SEMA6D: variants seen among roughly 807,000 people sequenced by gnomAD.
SEMA6D encodes semaphorin-6D.
A neutral mutation model predicts 106.6 loss-of-function variants in SEMA6D; 35 were observed. The ratio of observed to expected loss-of-function variants is 0.33; its 90% confidence interval spans 0.25 to 0.44. SEMA6D has a LOEUF of 0.44. Ranked by LOEUF, SEMA6D falls within the 20% of genes least tolerant of loss-of-function variation. SEMA6D has a pLI of 1.00. For missense variants in SEMA6D, 1,185 were observed against 1,345.9 expected (o/e 0.88, Z 1.87); for synonymous variants, 499 against 487.7 (o/e 1.02, Z -0.31).
intron 1 of SEMA6D, among the ~76,000 whole-genome samples, chr15:47,389,279 A>T (rs947377194): frequency 6.6e-6 from 1 of 152,216 alleles, no homozygotes; most frequent in Non-Finnish European, 1.5e-5. Flanking sequence ...CATATTAAGC[A>T]TCATATAAAG....
At chr15:47,720,261 C>CTTTTTTTTTTTTTTTTTT (rs869122623) in intron 1 of SEMA6D, among the ~76,000 whole-genome samples, 3 of 97,166 alleles carry the variant, frequency 3.1e-5, no homozygotes, top group Non-Finnish European at 6.1e-5. Context: ...AATAACCTTT[C>CTTTTTTTTTTTTTTTTTT]TTTTTTTTTT....
intron 1 of SEMA6D, among the ~76,000 whole-genome samples, chr15:47,353,618 CA>C (rs1186053520): frequency 1.3e-5 from 2 of 152,012 alleles, no homozygotes; most frequent in Non-Finnish European, 2.9e-5. Flanking sequence ...TAACCCTTAT[CA>C]TAATATTTTA....
intron 1 of SEMA6D, among the ~76,000 whole-genome samples, chr15:47,190,170 G>T (rs903208815): frequency 3.3e-5 from 5 of 152,166 alleles, no homozygotes; most frequent in Admixed American, 2.0e-4. Context: ...TTTGGGCAGA[G>T]AATTTGTCTT....
At chr15:47,348,718 C>CACCA (rs1379277513) in intron 1 of SEMA6D, among the ~76,000 whole-genome samples, 15 of 48,072 alleles carry the variant, frequency 3.1e-4, no homozygotes, top group African/African-American at 6.0e-4. Flanking sequence ...CACACACACA[C>CACCA]CACACACACA....
chr15:47,328,905 A>T (rs1211480947), intron 1 of SEMA6D, among the ~76,000 whole-genome samples: 1 of 152,234 alleles, frequency 6.6e-6, no homozygotes, highest in East Asian at 1.9e-4. Context: ...CCATTGAGTC[A>T]TATCATTGGA....
Position 47,674,159 on chromosome 15 carries a change from A to G in SEMA6D, c.-55+73263A>G, listed in dbSNP as rs140975879. ...CCCAGACCCCCTTGGGTCTGAGCCC[A>G]ATTAAAATGAAATAGGGAGAATATG... On this transcript the variant is annotated intron_variant, in intron 4 of 19. Coordinates refer to the SEMA6D transcript ENST00000558014. Among the ~76,000 whole-genome samples, 105 of 152,284 alleles carry G rather than the reference A, an allele frequency of 6.9e-4. 2 individuals are homozygous for G. The highest frequency in any genetic ancestry group is 2.3e-3 in the African/African-American group (97 of 41,548).
At chr15:47,461,599 A>G (rs1397588733) in intron 2 of SEMA6D, among the ~76,000 whole-genome samples, 1 of 152,096 alleles carries the variant, frequency 6.6e-6, no homozygotes, top group Non-Finnish European at 1.5e-5. Context: ...TAATGCCCAT[A>G]GCAATTTTTT....
intron 1 of SEMA6D, among the ~76,000 whole-genome samples, chr15:47,194,987 A>G (rs970373794): frequency 3.3e-5 from 5 of 152,206 alleles, no homozygotes; most frequent in African/African-American, 1.2e-4. Flanking sequence ...CCAGAATAGC[A>G]TTACCTGCCT....
intron 3 of SEMA6D, among the ~76,000 whole-genome samples, chr15:47,569,078 G>A: frequency 6.6e-6 from 1 of 152,058 alleles, no homozygotes; most frequent in East Asian, 1.9e-4. Context: ...ATTTCAGTTT[G>A]AAAAGCTTTA....
At chr15:47,708,080 A>G (rs1231307575) in intron 4 of SEMA6D, among the ~76,000 whole-genome samples, 5 of 152,090 alleles carry the variant, frequency 3.3e-5, no homozygotes, top group Non-Finnish European at 7.4e-5. Context: ...TAGCATTCTT[A>G]CGTCTGAAAC....
chr15:47,712,069 T>C lies in SEMA6D; in HGVS notation c.-54-47676T>C, dbSNP rs187568051. On this transcript the variant is annotated intron_variant, in intron 4 of 19. Transcript: ENST00000558014. ...GTGTGAAATAGGTCTTATTATTCTT[T>C]ACAAGTGATTCAGAGCAGTTATATG... Among the ~76,000 whole-genome samples, 17 of 152,360 alleles carry C rather than the reference T, an allele frequency of 1.1e-4. No individual in the cohort carries two copies. In the East Asian group the frequency reaches 1.9e-3, roughly 17 times the overall value.
chr15:47,661,840 A>C (rs2077926341), intron 4 of SEMA6D, among the ~76,000 whole-genome samples: 1 of 152,228 alleles, frequency 6.6e-6, no homozygotes, highest in African/African-American at 2.4e-5. Flanking sequence ...ATGCTAACAC[A>C]GGTATTTCAG....
chr15:47,538,364 T>C (rs1327315104), intron 3 of SEMA6D, among the ~76,000 whole-genome samples: 1 of 152,212 alleles, frequency 6.6e-6, no homozygotes, highest in Non-Finnish European at 1.5e-5. Flanking sequence ...TAAAGGCTTT[T>C]GCAGTATGTC....
chr15:47,425,884 GT>G (rs2041320998), intron 2 of SEMA6D, among the ~76,000 whole-genome samples: 1 of 151,840 alleles, frequency 6.6e-6, no homozygotes, highest in Non-Finnish European at 1.5e-5. Flanking sequence ...ATGATCTAAA[GT>G]CTCCCTTCTA....
intron 3 of SEMA6D, among the ~76,000 whole-genome samples, chr15:47,515,806 A>G (rs2044369936): frequency 6.6e-6 from 1 of 152,202 alleles, no homozygotes; most frequent in Non-Finnish European, 1.5e-5. Flanking sequence ...TCAACTTTTC[A>G]ATGAGGCTGC....
chr15:47,438,343 A>AT (rs964836721), intron 2 of SEMA6D, among the ~76,000 whole-genome samples: 9 of 152,006 alleles, frequency 5.9e-5, no homozygotes, highest in Non-Finnish European at 1.3e-4. Context: ...CCTAGAACCC[A>AT]TCTCAACACA....
chr15:47,466,600 A>AT (rs1224004722), intron 2 of SEMA6D, among the ~76,000 whole-genome samples: 5 of 152,148 alleles, frequency 3.3e-5, no homozygotes, highest in African/African-American at 7.2e-5. Context: ...GCTATTGTGA[A>AT]TAATGCTACA....
chr15:47,340,424 TGAG>T (rs1325399452), intron 1 of SEMA6D, among the ~76,000 whole-genome samples: 1 of 152,174 alleles, frequency 6.6e-6, no homozygotes, highest in Non-Finnish European at 1.5e-5. Context: ...CAACCATCTC[TGAG>T]GAGAACAGGG....
At chr15:47,614,822 A>G (rs1479474464) in intron 4 of SEMA6D, among the ~76,000 whole-genome samples, 3 of 152,206 alleles carry the variant, frequency 2.0e-5, no homozygotes, top group Non-Finnish European at 2.9e-5. Context: ...GTGACAATTT[A>G]CTTATTCCTT....
Sources: allele counts gnomAD v4.1 joint callset (sites outside exome capture counted in the v4.1 genomes callset), GRCh38; gene constraint gnomAD v4.1.1; transcripts MANE v1.5; gene names NCBI Gene and HGNC (gene_info 2026-07-23, HGNC 2026-07-21).